RFX3: variants seen among roughly 807,000 people sequenced by gnomAD.
RFX3 encodes the protein transcription factor RFX3.
A neutral mutation model predicts 98.6 loss-of-function variants in RFX3; 14 were observed. The ratio of observed to expected loss-of-function variants is 0.14; its 90% confidence interval spans 0.09 to 0.22. The LOEUF (loss-of-function observed/expected upper bound fraction) is 0.22. Ranked by LOEUF, RFX3 falls within the 10% of genes least tolerant of loss-of-function variation. The pLI is 1.00. For synonymous variants in RFX3, 383 were observed against 328.4 expected (o/e 1.17, Z -1.80); for missense variants, 639 against 926.9 (o/e 0.69, Z 4.03).
At chr9:3,375,737 G>C (rs1838389716) in intron 2 of RFX3, among the ~76,000 whole-genome samples, 1 of 152,052 alleles carries the variant, frequency 6.6e-6, no homozygotes, top group African/African-American at 2.4e-5. Flanking sequence ...AAGGCGGGTG[G>C]ATCACAAGGT....
intron 2 of RFX3, 52 bp from the exon 3 acceptor site, chr9:3,346,816 T>G: frequency 1.9e-6 from 2 of 1,058,102 alleles, no homozygotes; most frequent in Non-Finnish European, 3.0e-6. Context: ...ATAGGAAGAA[T>G]ACAGAGCATT....
chr9:3,395,714 C>G (rs1348048029), intron 1 of RFX3, 118 bp from the exon 2 acceptor site: 6 of 991,626 alleles, frequency 6.1e-6, no homozygotes, highest in Non-Finnish European at 9.0e-6. Context: ...TACCTCTTAT[C>G]CCAACATACT....
intron 2 of RFX3, among the ~76,000 whole-genome samples, chr9:3,356,629 G>A (rs998461451): frequency 5.9e-5 from 9 of 151,864 alleles, no homozygotes; most frequent in African/African-American, 9.7e-5. Context: ...CTGTTTTTAT[G>A]AGGCTAGCCT....
At chr9:3,466,705 G>C (rs1369364529) in intron 1 of RFX3, among the ~76,000 whole-genome samples, 1 of 152,022 alleles carries the variant, frequency 6.6e-6, no homozygotes, top group East Asian at 1.9e-4. Context: ...TTAGTAAGTA[G>C]AGCCACTGAT....
intron 1 of RFX3, among the ~76,000 whole-genome samples, chr9:3,400,522 C>A (rs780839196): frequency 2.6e-5 from 4 of 152,198 alleles, no homozygotes; most frequent in African/African-American, 9.7e-5. Context: ...ATCTACTTGG[C>A]TCTTGGAATA....
chr9:3,242,773 A>G (rs183248361), intron 15 of RFX3, among the ~76,000 whole-genome samples: 1 of 152,082 alleles, frequency 6.6e-6, no homozygotes, highest in African/African-American at 2.4e-5. Context: ...TTTTGATGTT[A>G]AATTGTTACA....
Position 3,370,304 on chromosome 9 carries a change from C to T in RFX3, c.118-23540G>A, listed in dbSNP as rs1273176470. The stretch of plus-strand genomic sequence containing the variant: ...TATCCTCAGAAAACTGAACAAAATA[C>T]TTATTCAAAAGTAAGTAGTTTTGGA... On this transcript the variant is annotated intron_variant, in intron 2 of 16. Coordinates refer to ENST00000617270, the MANE Select transcript of RFX3 (RefSeq NM_001282116.2). Among the ~76,000 whole-genome samples, 6 of 151,312 alleles carry T rather than the reference C, an allele frequency of 4.0e-5. No homozygotes were observed. The South Asian group carries it at 1.2e-3, about 31-fold the overall frequency.
At chr9:3,256,095 T>C (rs958699146) in intron 14 of RFX3, among the ~76,000 whole-genome samples, 1 of 152,048 alleles carries the variant, frequency 6.6e-6, no homozygotes, top group African/African-American at 2.4e-5. Context: ...GCTTCCAGAG[T>C]AGCTGGGACT....
chr9:3,266,894 A>T (rs1478518952), intron 11 of RFX3, among the ~76,000 whole-genome samples: 1 of 152,066 alleles, frequency 6.6e-6, no homozygotes, highest in African/African-American at 2.4e-5. Flanking sequence ...TGGCAGGTAG[A>T]GGTAAACGAT....
intron 4 of RFX3, among the ~76,000 whole-genome samples, chr9:3,315,697 C>T (rs1016369079): frequency 1.3e-5 from 2 of 152,112 alleles, no homozygotes; most frequent in African/African-American, 4.8e-5. Context: ...GGGGATATCA[C>T]CACCGATCTC....
At chr9:3,273,279 T>C (rs1355210916) in intron 9 of RFX3, among the ~76,000 whole-genome samples, 3 of 152,202 alleles carry the variant, frequency 2.0e-5, no homozygotes, top group Non-Finnish European at 2.9e-5. Flanking sequence ...CTTTTTTATA[T>C]ATGCAGCTCA....
At chr9:3,406,407 T>C (rs1587544753) in intron 1 of RFX3, among the ~76,000 whole-genome samples, 1 of 152,060 alleles carries the variant, frequency 6.6e-6, no homozygotes, top group African/African-American at 2.4e-5. Context: ...TGCTTTTCCA[T>C]CTTGCTCTTA....
chr9:3,424,629 G>C (rs999760340), intron 1 of RFX3, among the ~76,000 whole-genome samples: 2 of 151,832 alleles, frequency 1.3e-5, no homozygotes, highest in Non-Finnish European at 2.9e-5. Context: ...CAAAGTGCTG[G>C]GATTACAGGC....
chr9:3,476,364 T>A (rs929680471), intron 1 of RFX3, among the ~76,000 whole-genome samples: 2 of 152,068 alleles, frequency 1.3e-5, no homozygotes, highest in Non-Finnish European at 2.9e-5. Flanking sequence ...TAAGCTGAAC[T>A]TATTAAGTGC....
At chr9:3,431,914 G>C (rs1844688632) in intron 1 of RFX3, among the ~76,000 whole-genome samples, 1 of 152,170 alleles carries the variant, frequency 6.6e-6, no homozygotes, top group African/African-American at 2.4e-5. Flanking sequence ...ACACATATGA[G>C]TAAGGAAGAG....
intron 1 of RFX3, among the ~76,000 whole-genome samples, chr9:3,406,599 G>C (rs901893791): frequency 2.6e-5 from 4 of 152,034 alleles, no homozygotes; most frequent in Non-Finnish European, 5.9e-5. Flanking sequence ...TATATACACA[G>C]AATCTTTGAT....
intron 13 of RFX3, 70 bp downstream of exon 13, chr9:3,262,865 T>C (rs1823104062): frequency 6.8e-7 from 1 of 1,469,308 alleles, no homozygotes; most frequent in African/African-American, 1.4e-5. Context: ...AGAAATTTGA[T>C]GATCCCAATT....
At chr9:3,235,573 T>C (rs958502289) in intron 15 of RFX3, among the ~76,000 whole-genome samples, 1 of 152,200 alleles carries the variant, frequency 6.6e-6, no homozygotes, top group African/African-American at 2.4e-5. Flanking sequence ...AATCAAGGTG[T>C]TGGCAGAGTT....
In RFX3 at chr9:3,309,236, G is replaced by A. The variant is rs187511680; in HGVS notation, c.475-7616C>T. 7.2e-5 allele frequency among the ~76,000 whole-genome samples: 11 copies of A among 152,230 alleles called. No homozygotes were observed. In the East Asian group the frequency reaches 2.1e-3, roughly 29 times the overall value. ...GGAATTAGGATTAGGAATTCAGAAA[G>A]GGCAAGGGAGATGTCGTATTTCACA... On this transcript the variant is annotated intron_variant, in intron 4 of 16. Transcript: ENST00000617270.
Sources: gnomAD v4.1 joint callset for allele counts (sites outside exome capture counted in the v4.1 genomes callset) on GRCh38, gnomAD v4.1.1 for gene constraint, MANE v1.5 for transcripts, NCBI Gene and HGNC (gene_info 2026-07-23, HGNC 2026-07-21) for gene names.